Variants in PNPLA1 observed in about 807,000 individuals in gnomAD.
PNPLA1 encodes omega-hydroxyceramide transacylase.
Under a neutral mutation model 51.7 loss-of-function variants are expected in PNPLA1, and 36 were observed. The ratio of observed to expected loss-of-function variants is 0.70; its 90% CI spans 0.53 to 0.92. The LOEUF (loss-of-function observed/expected upper bound fraction) is 0.92, where lower values mean the gene tolerates loss of function less well. Among genes scored for constraint, PNPLA1 ranks in the 40% least tolerant of loss-of-function variants. The pLI is 0.00. For synonymous variants in PNPLA1, 293 were observed against 280.1 expected, an observed-to-expected ratio of 1.05 and a Z score of -0.46; for missense variants, 658 against 682.5, an observed-to-expected ratio of 0.96 and a Z score of 0.40.
At chr6:36,263,604 C>T (rs963869662) in intron 1 of PNPLA1, among the ~76,000 whole-genome samples, 1 of 152,200 alleles carries the variant, frequency 6.6e-6, no homozygotes, top group African/African-American at 2.4e-5. Flanking sequence ...AGAGAGCAAT[C>T]GAGCAACTCC....
At chr6:36,272,376 T>A (rs1225412256) in intron 1 of PNPLA1, among the ~76,000 whole-genome samples, 1 of 152,048 alleles carries the variant, frequency 6.6e-6, no homozygotes, top group Non-Finnish European at 1.5e-5. Context: ...CAGGCGGTAA[T>A]GTGAGTGATG....
rs999620 is a variant in PNPLA1 at position 36,312,473 on chromosome 6, A to C, written c.*587A>C. On this transcript the variant is annotated 3_prime_UTR_variant, in exon 9 of 9. Coordinates refer to ENST00000636260, the MANE Select transcript of PNPLA1 (RefSeq NM_001374623.1). The stretch of plus-strand genomic sequence containing the variant: ...CTATAACAGGCCTGGCTACCTGCTG[A>C]GGGTTGCCCAAGGTGTATGAACCTG... Among the ~76,000 whole-genome samples, 16,003 of 152,172 alleles carry C rather than the reference A, an allele frequency of 0.11. 1,317 individuals carry two copies. Among genetic ancestry groups the C allele is most frequent in the East Asian group, 0.38 (1,938 of 5,166 alleles).
At chr6:36,291,592 C>CAGGGGGGGGGG in intron 2 of PNPLA1, 40 bp downstream of exon 2, 13 of 105,192 alleles carry the variant, frequency 1.2e-4, no homozygotes, top group Middle Eastern at 3.4e-3. Context: ...ACGGAGGGGG[C>CAGGGGGGGGGG]GGGGGAGGGC....
rs1769871428 is a variant in PNPLA1 at position 36,270,319 on chromosome 6, G to A, written c.-141G>A. 9 of 841,984 alleles carry A rather than the reference G, an allele frequency of 1.1e-5. No homozygotes were observed. The highest frequency in any genetic ancestry group is 8.4e-5 in the South Asian group (5 of 59,792). 52.2% of individuals were successfully genotyped at this position (841,984 alleles called of 1,614,324 possible). ...TGAGCAGCCTGTGGTTGCTCCAGCCGGGTAGAGACAGCCACATTCCAAGCT... is the reference window on the plus strand; with the variant it reads ...TGAGCAGCCTGTGGTTGCTCCAGCCAGGTAGAGACAGCCACATTCCAAGCT... On this transcript the variant is annotated 5_prime_UTR_variant, in exon 1 of 9. Transcript: ENST00000636260.
chr6:36,310,816 T>C (rs761501884), intron 8 of PNPLA1, among the ~76,000 whole-genome samples: 3 of 152,228 alleles, frequency 2.0e-5, no homozygotes, highest in Non-Finnish European at 4.4e-5. Context: ...GTTACTTTAC[T>C]TAGTGGGAGT....
intron 1 of PNPLA1, among the ~76,000 whole-genome samples, chr6:36,286,300 A>G (rs1468430794): frequency 2.0e-5 from 3 of 152,200 alleles, no homozygotes; most frequent in Non-Finnish European, 2.9e-5. Flanking sequence ...AGCTCTTTCC[A>G]AGAAATGGAT....
At chr6:36,295,949 G>T (rs1210357159) in intron 5 of PNPLA1, among the ~76,000 whole-genome samples, 3 of 152,220 alleles carry the variant, frequency 2.0e-5, no homozygotes, top group Non-Finnish European at 2.9e-5. Context: ...TGCTTTATCA[G>T]GGTGGAAGAA....
At chr6:36,257,925 T>A (rs115808967) in intron 1 of PNPLA1, among the ~76,000 whole-genome samples, 1 of 152,228 alleles carries the variant, frequency 6.6e-6, no homozygotes, top group Non-Finnish European at 1.5e-5. Context: ...AGCTAGCCGT[T>A]AAATTGGCCG....
At chr6:36,302,736 C>G (rs1771105969) in intron 6 of PNPLA1, among the ~76,000 whole-genome samples, 2 of 152,030 alleles carry the variant, frequency 1.3e-5, no homozygotes, top group African/African-American at 4.8e-5. Flanking sequence ...CTAGAAATTA[C>G]AGTTCTCAGG....
At position 36,294,044 on chromosome 6, in the gene PNPLA1, T is replaced by C; in HGVS notation, c.505-146T>C. On this transcript the variant is annotated intron_variant, in intron 3 of 8. Transcript: ENST00000636260. This position sits in a 1 kb window ranked among gnomAD's most constrained non-coding sequence, Gnocchi z 4.2. ...CACCACGCACCCACCAGGACCTCCG[T>C]CTCCAGGCTTATCCTGAGGGGTCTT... The C allele has an allele frequency of 2.1e-6, 2 of 932,494 alleles. No homozygotes were observed. The highest frequency in any genetic ancestry group is 3.2e-6 in the Non-Finnish European group (2 of 625,140). The allele number at this position is 932,494 out of a possible 1,614,324, so 57.8% of individuals were successfully genotyped here. A position where few individuals can be genotyped will look rare whatever the true frequency, so the allele number is the denominator to read the frequency against.
At chr6:36,296,692 A>AG (rs964102582) in intron 5 of PNPLA1, among the ~76,000 whole-genome samples, 2 of 152,048 alleles carry the variant, frequency 1.3e-5, no homozygotes, top group African/African-American at 4.8e-5. Flanking sequence ...TCTCCCAACA[A>AG]GGGGGGTGGA....
chr6:36,278,048 C>G (rs376300930), intron 1 of PNPLA1, among the ~76,000 whole-genome samples: 1 of 152,180 alleles, frequency 6.6e-6, no homozygotes, highest in African/African-American at 2.4e-5. Flanking sequence ...CCTCTGCCCC[C>G]CTTTCAGAGA....
At position 36,293,117 on chromosome 6, in the gene PNPLA1, C is replaced by T. The variant is rs775848408; in HGVS notation, c.495C>T (p.Tyr165=). The T allele has an allele frequency of 1.2e-6, 2 of 1,614,060 alleles. No homozygotes were observed. The highest frequency in any genetic ancestry group is 1.1e-5 in the South Asian group (1 of 91,074). Residue 165 remains tyrosine, a synonymous_variant, in exon 3 of 9, where the codon TAC becomes TAT. Coordinates refer to ENST00000636260, the MANE Select transcript of PNPLA1 (RefSeq NM_001374623.1). The stretch of plus-strand genomic sequence containing the variant: ...ACTGTGGCCTCATCCCCCCGACTTA[C>T]CGCGGTGTGGTGAGTGCTTCGGCAT... The part of the protein sequence containing the change: ...PVYCGLIPPT[Y]RGVRYIDGGF...
At chr6:36,287,082 T>C (rs1169922020) in intron 1 of PNPLA1, among the ~76,000 whole-genome samples, 1 of 152,224 alleles carries the variant, frequency 6.6e-6, no homozygotes, top group Non-Finnish European at 1.5e-5. Flanking sequence ...ACTCTCGCTG[T>C]CTATCCATCT....
At chr6:36,284,455 GT>G (rs560543801) in intron 1 of PNPLA1, among the ~76,000 whole-genome samples, 32 of 152,268 alleles carry the variant, frequency 2.1e-4, no homozygotes, top group African/African-American at 7.7e-4. Context: ...ATACATTCTA[GT>G]TCTATTTCTG....
At chr6:36,287,795 C>CACACACACACA in intron 1 of PNPLA1, among the ~76,000 whole-genome samples, 2 of 140,424 alleles carry the variant, frequency 1.4e-5, no homozygotes, top group Admixed American at 7.2e-5. Flanking sequence ...CACACACACA[C>CACACACACACA]CCCTGGAGAG....
chr6:36,300,648 C>T (rs1358394588), intron 5 of PNPLA1, among the ~76,000 whole-genome samples: 6 of 152,126 alleles, frequency 3.9e-5, no homozygotes, highest in East Asian at 1.9e-4. Context: ...CTCATGGGCA[C>T]GTGCTGCCAA....
chr6:36,300,386 G>A (rs1204814183), intron 5 of PNPLA1, among the ~76,000 whole-genome samples: 1 of 151,990 alleles, frequency 6.6e-6, no homozygotes, highest in African/African-American at 2.4e-5. Context: ...AGTAGAGATG[G>A]GGTTTCACCG....
intron 1 of PNPLA1, 123 bp downstream of exon 1, chr6:36,270,787 A>G: frequency 1.7e-6 from 2 of 1,173,464 alleles, no homozygotes; most frequent in Admixed American, 4.3e-5. Flanking sequence ...CAGGAAGGGA[A>G]GGGAAGAGCT....
Sources: allele counts gnomAD v4.1 joint callset (sites outside exome capture counted in the v4.1 genomes callset), GRCh38; gene constraint gnomAD v4.1.1; non-coding constraint Gnocchi (gnomAD v3.1); transcripts MANE v1.5; gene names NCBI Gene and HGNC (gene_info 2026-07-23, HGNC 2026-07-21).